Variants in BTBD9 observed in about 807,000 individuals in gnomAD.
BTBD9 encodes BTB domain containing 9, also known as BTB/POZ domain-containing protein 9.
BTBD9 carries 49 observed loss-of-function variants against 64.3 expected under a neutral mutation model. That is an observed-to-expected ratio of 0.76 (90% CI 0.61 to 0.97). The LOEUF (loss-of-function observed/expected upper bound fraction) is 0.97, where lower values mean the gene tolerates loss of function less well. Ranked by LOEUF, BTBD9 falls within the 50% of genes least tolerant of loss-of-function variation. The pLI, the probability that BTBD9 is intolerant of heterozygous loss-of-function variation, is 0.00. For synonymous variants in BTBD9, 260 were observed against 274.7 expected, an observed-to-expected ratio of 0.95 and a Z score of 0.53; for missense variants, 598 against 762.1, an observed-to-expected ratio of 0.78 and a Z score of 2.53.
intron 1 of BTBD9, among the ~76,000 whole-genome samples, chr6:38,632,076 C>T (rs572173279): frequency 1.4e-3 from 218 of 152,112 alleles, no homozygotes; most frequent in African/African-American, 5.0e-3. Flanking sequence ...TGCTGTGAGC[C>T]GAGATCGTGC....
intron 6 of BTBD9, among the ~76,000 whole-genome samples, chr6:38,375,107 C>T (rs1028370087): frequency 6.6e-6 from 1 of 152,156 alleles, no homozygotes; most frequent in Non-Finnish European, 1.5e-5. Flanking sequence ...AGTCAGGAGG[C>T]AAGATGTGCC....
rs146435408 is a variant in BTBD9, at chr6:38,533,194, T to C, written c.1154+44406A>G. On this transcript the variant is annotated intron_variant, in intron 6 of 10. Transcript: ENST00000481247. ...CATACTTCACCTATAAAGATACACATAGACTGAAAATAAAGGGATGGAAAA... is the reference window on the plus strand; with the variant it reads ...CATACTTCACCTATAAAGATACACACAGACTGAAAATAAAGGGATGGAAAA... 1.6e-4 allele frequency among the ~76,000 whole-genome samples: 24 copies of C among 151,908 alleles called. No individual in the cohort carries two copies. The East Asian group carries it at 4.5e-3, about 28-fold the overall frequency.
At chr6:38,455,306 C>T in intron 6 of BTBD9, among the ~76,000 whole-genome samples, 1 of 152,180 alleles carries the variant, frequency 6.6e-6, no homozygotes, top group South Asian at 2.1e-4. Flanking sequence ...CCCTGGCAAA[C>T]ACTGATCTGC....
chr6:38,447,347 G>A (rs1769320133), intron 6 of BTBD9, among the ~76,000 whole-genome samples: 1 of 152,186 alleles, frequency 6.6e-6, no homozygotes, highest in African/African-American at 2.4e-5. Flanking sequence ...AGGCTCAAAG[G>A]ACTTTTCAAT....
chr6:38,220,076 T>C (rs989653261), intron 9 of BTBD9, among the ~76,000 whole-genome samples: 4 of 152,204 alleles, frequency 2.6e-5, no homozygotes, highest in African/African-American at 7.2e-5. Flanking sequence ...CTTGGGCTGA[T>C]GTGTTTTGCG....
At chr6:38,338,448 A>G (rs1013228081) in intron 7 of BTBD9, among the ~76,000 whole-genome samples, 1 of 152,190 alleles carries the variant, frequency 6.6e-6, no homozygotes, top group Non-Finnish European at 1.5e-5. Context: ...TACAGAACAA[A>G]AAGTTACCAG....
chr6:38,630,200 CAAAA>C (rs541759836), intron 1 of BTBD9, among the ~76,000 whole-genome samples: 4 of 59,214 alleles, frequency 6.8e-5, no homozygotes, highest in Non-Finnish European at 8.1e-5. Flanking sequence ...AATTCCGTCT[CAAAA>C]AAAAAAAAAA....
At chr6:38,337,507 C>T (rs952018272) in intron 7 of BTBD9, among the ~76,000 whole-genome samples, 3 of 152,192 alleles carry the variant, frequency 2.0e-5, no homozygotes, top group South Asian at 2.1e-4. Flanking sequence ...TTTCCAAGGC[C>T]TAGCTCAAAA....
intron 6 of BTBD9, among the ~76,000 whole-genome samples, chr6:38,468,588 T>C (rs560271333): frequency 6.6e-6 from 1 of 152,290 alleles, no homozygotes; most frequent in East Asian, 1.9e-4. Flanking sequence ...ACATACTGCT[T>C]TATTATTTTG....
chr6:38,289,008 A>G (rs933557431), intron 7 of BTBD9, among the ~76,000 whole-genome samples: 1 of 152,214 alleles, frequency 6.6e-6, no homozygotes, highest in Non-Finnish European at 1.5e-5. Context: ...ACAAAGTCAA[A>G]ACTAAAACAT....
chr6:38,266,596 GGAAAGAAAGGAAA>G (rs1385257596), intron 8 of BTBD9, among the ~76,000 whole-genome samples: 14 of 91,634 alleles, frequency 1.5e-4, no homozygotes, highest in African/African-American at 4.8e-4. Context: ...AGGAAAGAAA[GGAAAGAAAGGAAA>G]GAAAGAAAGA....
chr6:38,588,190 C>T, intron 4 of BTBD9: 1 of 804,160 alleles, frequency 1.2e-6, no homozygotes, highest in South Asian at 1.4e-5. Flanking sequence ...TCCAAACAAC[C>T]TCAGCAGTTC....
At chr6:38,414,306 A>C (rs1212483411) in intron 6 of BTBD9, among the ~76,000 whole-genome samples, 2 of 152,206 alleles carry the variant, frequency 1.3e-5, no homozygotes, top group African/African-American at 4.8e-5. Context: ...GGGGTCATCC[A>C]GAAGGTATTC....
chr6:38,192,683 A>AG, intron 9 of BTBD9, 86 bp from the exon 10 acceptor site: 2 of 1,225,684 alleles, frequency 1.6e-6, no homozygotes, highest in Non-Finnish European at 2.4e-6. Flanking sequence ...TCCACTGAGG[A>AG]GGGAGGGCTT....
chr6:38,336,406 G>A (rs1264775648), intron 7 of BTBD9, among the ~76,000 whole-genome samples: 1 of 152,148 alleles, frequency 6.6e-6, no homozygotes, highest in African/African-American at 2.4e-5. Flanking sequence ...GGCTGGGAAG[G>A]CCTCGGGAAA....
At position 38,172,491 on chromosome 6, in the gene BTBD9, G is replaced by C. The variant is rs888500955; in HGVS notation, c.*2494C>G. Reference sequence around the variant, plus strand: ...ACACACGAAAAGAGTTCCTGCCCCAGTCAGAAGGCCCCTCAGGGAAGGGCA... The same window carrying C: ...ACACACGAAAAGAGTTCCTGCCCCACTCAGAAGGCCCCTCAGGGAAGGGCA... On this transcript the variant is annotated 3_prime_UTR_variant, in exon 11 of 11. Transcript: ENST00000481247. 4 of 152,348 alleles carry C rather than the reference G, an allele frequency of 2.6e-5. No homozygotes were observed. The highest frequency in any genetic ancestry group is 9.6e-5 in the African/African-American group (4 of 41,468). 9.4% of individuals were successfully genotyped at this position (152,348 alleles called of 1,614,324 possible).
chr6:38,455,652 C>T (rs539678577), intron 6 of BTBD9, among the ~76,000 whole-genome samples: 1 of 152,254 alleles, frequency 6.6e-6, no homozygotes, highest in East Asian at 1.9e-4. Flanking sequence ...AGATTTTTCA[C>T]CCATTTATGG....
At position 38,308,070 on chromosome 6, in the gene BTBD9, C is replaced by G. The variant is rs57619231; in HGVS notation, c.1265-19609G>C. On this transcript the variant is annotated intron_variant, in intron 7 of 10. Coordinates refer to ENST00000481247, the MANE Select transcript of BTBD9 (RefSeq NM_001099272.2). Reference sequence around the variant, plus strand: ...CAAAAATAACTGTATGGTTTACTCTCTTATGTGCAGTTTGACAATCCTGTA... The same window carrying G: ...CAAAAATAACTGTATGGTTTACTCTGTTATGTGCAGTTTGACAATCCTGTA... 3.0e-3 allele frequency among the ~76,000 whole-genome samples: 452 copies of G among 152,318 alleles called. 5 individuals are homozygous for G. Among genetic ancestry groups the G allele is most frequent in the African/African-American group, 9.6e-3 (397 of 41,558 alleles).
intron 6 of BTBD9, among the ~76,000 whole-genome samples, chr6:38,384,400 G>C (rs1766065940): frequency 1.3e-5 from 2 of 152,170 alleles, no homozygotes; most frequent in African/African-American, 4.8e-5. Context: ...GACAAAGATT[G>C]CTATCAGATA....
Sources: allele counts gnomAD v4.1 joint callset (sites outside exome capture counted in the v4.1 genomes callset), GRCh38; gene constraint gnomAD v4.1.1; transcripts MANE v1.5; gene names NCBI Gene and HGNC (gene_info 2026-07-23, HGNC 2026-07-21).